GSK3B: variants seen among roughly 807,000 people sequenced by gnomAD.
The protein encoded by GSK3B is glycogen synthase kinase 3 beta, also known as glycogen synthase kinase-3 beta.
Under a neutral mutation model 56.4 loss-of-function variants are expected in GSK3B, and 15 were observed. That is an observed-to-expected ratio of 0.27 (90% confidence interval 0.18 to 0.41). GSK3B has a LOEUF of 0.41. GSK3B is among the 10% of genes least tolerant of loss of function. The probability of loss-of-function intolerance (pLI) is 1.00; values close to 1 mark genes in which losing one functional copy is unlikely to be tolerated. For missense variants in GSK3B, 300 were observed against 513.4 expected (o/e 0.58, Z 4.02); for synonymous variants, 181 against 188.9 (o/e 0.96, Z 0.34).
intron 1 of GSK3B, 35 bp from the exon 2 acceptor site, chr3:120,002,274 A>G (rs781650694): frequency 4.6e-6 from 6 of 1,313,050 alleles, no homozygotes; most frequent in Non-Finnish European, 5.2e-6. Context: ...TTTCACGAGA[A>G]CTGTAAGGAA....
intron 1 of GSK3B, among the ~76,000 whole-genome samples, chr3:120,089,732 T>C (rs2107586535): frequency 6.6e-6 from 1 of 152,330 alleles, no homozygotes; most frequent in East Asian, 1.9e-4. Context: ...GGATTACTAA[T>C]ATTTTAACCA....
chr3:119,957,285 A>G (rs1253959376), intron 2 of GSK3B, among the ~76,000 whole-genome samples: 2 of 152,198 alleles, frequency 1.3e-5, no homozygotes, highest in Admixed American at 1.3e-4. Flanking sequence ...ACAAAACCCC[A>G]ATTTTATAGA....
chr3:120,011,997 A>G (rs947442429), intron 1 of GSK3B, among the ~76,000 whole-genome samples: 7 of 152,234 alleles, frequency 4.6e-5, no homozygotes, highest in Non-Finnish European at 7.3e-5. Flanking sequence ...AAAAGAAGAT[A>G]ATGTTTCCAA....
chr3:119,958,437 G>C (rs2057237464), intron 2 of GSK3B, among the ~76,000 whole-genome samples: 1 of 152,124 alleles, frequency 6.6e-6, no homozygotes, highest in Non-Finnish European at 1.5e-5. Flanking sequence ...AGCACTTTGG[G>C]AGGCTAAGGA....
chr3:120,026,354 G>A (rs1002952605), intron 1 of GSK3B, among the ~76,000 whole-genome samples: 1 of 152,084 alleles, frequency 6.6e-6, no homozygotes, highest in African/African-American at 2.4e-5. Context: ...CAAAGGATAC[G>A]GGAGAGAACT....
At chr3:119,935,610 A>G (rs1448700597) in intron 3 of GSK3B, among the ~76,000 whole-genome samples, 2 of 152,182 alleles carry the variant, frequency 1.3e-5, no homozygotes, top group Admixed American at 1.3e-4. Context: ...AAGTCTTTAA[A>G]ATACTCTGTA....
intron 10 of GSK3B, among the ~76,000 whole-genome samples, chr3:119,827,293 G>C (rs1489867376): frequency 1.3e-5 from 2 of 152,264 alleles, no homozygotes; most frequent in African/African-American, 4.8e-5. Flanking sequence ...AGTAACGTGG[G>C]TCAGTGTTGA....
intron 1 of GSK3B, among the ~76,000 whole-genome samples, chr3:120,027,242 T>C (rs2057935962): frequency 6.6e-6 from 1 of 151,024 alleles, no homozygotes; most frequent in Admixed American, 6.6e-5. Context: ...CCAGGTGTGG[T>C]GGTGCGTGCC....
In GSK3B at chr3:119,822,792, A is replaced by G. The variant is rs2055433753; in HGVS notation, c.*3996T>C. 2 of 228,744 alleles carry G rather than the reference A, an allele frequency of 8.7e-6. No individual in the cohort carries two copies. Among genetic ancestry groups the G allele is most frequent in the Admixed American group, 5.7e-5 (1 of 17,624 alleles). The allele number at this position is 228,744 out of a possible 1,614,324, so 14.2% of individuals were successfully genotyped here. A position where few individuals can be genotyped will look rare whatever the true frequency, so the allele number is the denominator to read the frequency against. On this transcript the variant is annotated 3_prime_UTR_variant, in exon 11 of 11. Coordinates refer to ENST00000264235, the MANE Select transcript of GSK3B (RefSeq NM_001146156.2). ...CACTAACATGAACAGTAGGAATCAG[A>G]TACAATTTCAGTTGAAAAGAAAGAA...
chr3:119,997,399 C>G (rs2057629687), intron 2 of GSK3B, among the ~76,000 whole-genome samples: 1 of 151,922 alleles, frequency 6.6e-6, no homozygotes, highest in African/African-American at 2.4e-5. Flanking sequence ...TTCCCAAGAG[C>G]AACAGAAAAA....
chr3:120,073,219 TAAAAAAAAAA>T (rs972347264), intron 1 of GSK3B, among the ~76,000 whole-genome samples: 1 of 70,632 alleles, frequency 1.4e-5, no homozygotes, highest in Admixed American at 1.7e-4. Flanking sequence ...CAAAAAAAAT[TAAAAAAAAAA>T]AAAAAAAAAA....
chr3:119,926,391 C>T (rs72967195), intron 3 of GSK3B, among the ~76,000 whole-genome samples: 1,838 of 151,794 alleles, frequency 0.012, 33 homozygotes, highest in African/African-American at 0.042. Flanking sequence ...TATCCAAATG[C>T]CAGGAAATAT....
chr3:119,953,218 A>T (rs961639813), intron 2 of GSK3B, among the ~76,000 whole-genome samples: 1 of 152,202 alleles, frequency 6.6e-6, no homozygotes, highest in Admixed American at 6.5e-5. Context: ...AATCAACAGC[A>T]GACTTAAGAC....
At position 119,915,978 on chromosome 3, in the gene GSK3B, T is replaced by C. The variant is rs2056776307; in HGVS notation, c.608+66A>G. 3.5e-6 allele frequency: 4 copies of C among 1,132,244 alleles called. No individual in the cohort carries two copies. In the South Asian group the frequency reaches 4.2e-5, roughly 12 times the overall value. The allele number at this position is 1,132,244 out of a possible 1,614,324, so 70.1% of individuals were successfully genotyped here. On this transcript the variant is annotated intron_variant, in intron 5 of 10. Coordinates refer to ENST00000264235, the MANE Select transcript of GSK3B (RefSeq NM_001146156.2). ...AGGCTGATATTGCAAAAGGAATATA[T>C]TTAAAAGAAGATAGTAGGGGGAGGA...
At chr3:119,981,728 C>T (rs2057465216) in intron 2 of GSK3B, among the ~76,000 whole-genome samples, 1 of 152,218 alleles carries the variant, frequency 6.6e-6, no homozygotes, top group Non-Finnish European at 1.5e-5. Flanking sequence ...AGCTCAACAA[C>T]ACCTACAGCC....
At chr3:119,888,973 C>T (rs2056471434) in intron 7 of GSK3B, among the ~76,000 whole-genome samples, 2 of 152,016 alleles carry the variant, frequency 1.3e-5, no homozygotes, top group Admixed American at 6.6e-5. Context: ...TGCTCTCAAA[C>T]CCTGCTTTCT....
chr3:119,876,409 T>C lies in GSK3B; in HGVS notation c.909+4A>G. 6.6e-7 allele frequency: 1 copy of C among 1,517,300 alleles called. No homozygotes were observed. The highest frequency in any genetic ancestry group is 9.1e-7 in the Non-Finnish European group (1 of 1,094,236). The allele number at this position is 1,517,300 out of a possible 1,614,324, so 94.0% of individuals were successfully genotyped here. ...TAATATACTTAAAAAAAAATCTAAC[T>C]CACCTTAGTCCAAGGATGTGCCTTA... On this transcript the variant is annotated splice_donor_region_variant and intron_variant, in intron 8 of 10. Transcript: ENST00000264235.
chr3:119,842,051 A>G (rs909638079), intron 10 of GSK3B, among the ~76,000 whole-genome samples: 4 of 152,182 alleles, frequency 2.6e-5, no homozygotes, highest in Admixed American at 6.5e-5. Flanking sequence ...AAGAAAATGA[A>G]GTCAGCTCCT....
intron 3 of GSK3B, among the ~76,000 whole-genome samples, chr3:119,946,549 G>A (rs759590079): frequency 4.6e-5 from 7 of 152,096 alleles, no homozygotes; most frequent in South Asian, 2.1e-4. Context: ...CCTGCCCTGC[G>A]TATGCACTCC....
Sources: allele counts gnomAD v4.1 joint callset (sites outside exome capture counted in the v4.1 genomes callset), GRCh38; gene constraint gnomAD v4.1.1; transcripts MANE v1.5; gene names NCBI Gene and HGNC (gene_info 2026-07-23, HGNC 2026-07-21).